Variants in SCN3A observed in about 807,000 individuals in gnomAD.
SCN3A encodes the protein sodium voltage-gated channel alpha subunit 3, also known as sodium channel protein type 3 subunit alpha.
A neutral mutation model predicts 187.6 loss-of-function variants in SCN3A; 60 were observed. The observed-to-expected ratio is 0.32, with a 90% CI of 0.26 to 0.40. SCN3A has a LOEUF of 0.40. Among genes scored for constraint, SCN3A ranks in the 10% least tolerant of loss-of-function variants. The pLI, the probability that SCN3A is intolerant of heterozygous loss-of-function variation, is 1.00. For missense variants in SCN3A, 1,601 were observed against 2,428.2 expected (o/e 0.66, Z 7.16); for synonymous variants, 788 against 829.2 (o/e 0.95, Z 0.85).
rs61608647 is a variant in SCN3A, at chr2:165,161,137, C to CTTTTTTTTTTTTTTTTTTTTTTTTTTTT, written c.1031+1170_1031+1171insAAAAAAAAAAAAAAAAAAAAAAAAAAAA. On this transcript the variant is annotated intron_variant, in intron 9 of 27. Transcript: ENST00000283254. ...TTTCTTTTCTTTTTTTTCTTTCTTT[C>CTTTTTTTTTTTTTTTTTTTTTTTTTTTT]TTTTTTTTTTTTTTTTTTTTTTTTT... Among the ~76,000 whole-genome samples the CTTTTTTTTTTTTTTTTTTTTTTTTTTTT allele has an allele frequency of 8.1e-4, 76 of 93,388 alleles. 1 individual carries two copies. Among genetic ancestry groups the CTTTTTTTTTTTTTTTTTTTTTTTTTTTT allele is most frequent in the Non-Finnish European group, 1.4e-3 (62 of 44,976 alleles). The allele number at this position is 93,388 out of a possible 152,430, so 61.3% of individuals were successfully genotyped here.
At chr2:165,157,801 G>C (rs1429783162) in intron 9 of SCN3A, among the ~76,000 whole-genome samples, 1 of 152,018 alleles carries the variant, frequency 6.6e-6, no homozygotes, top group Non-Finnish European at 1.5e-5. Flanking sequence ...TTATATTTTG[G>C]ATTACAATTC....
At chr2:165,155,033 A>G (rs1234421731) in intron 10 of SCN3A, among the ~76,000 whole-genome samples, 1 of 152,160 alleles carries the variant, frequency 6.6e-6, no homozygotes, top group Non-Finnish European at 1.5e-5. Context: ...CCATCTATAG[A>G]TGACTTTTGC....
At chr2:165,104,297 T>C (rs1055981235) in intron 21 of SCN3A, among the ~76,000 whole-genome samples, 1 of 151,784 alleles carries the variant, frequency 6.6e-6, no homozygotes, top group African/African-American at 2.4e-5. Flanking sequence ...AGACAAAGAA[T>C]GAATGAAATA....
chr2:165,186,238 C>T (rs748940195), intron 2 of SCN3A, among the ~76,000 whole-genome samples: 21 of 151,984 alleles, frequency 1.4e-4, no homozygotes, highest in Non-Finnish European at 2.8e-4. Flanking sequence ...CCACTGCACT[C>T]CAGCCTGGGC....
rs767119454 is a variant in SCN3A, at chr2:165,128,077, A to G, written c.2947T>C (p.Leu983=). ...TTGTCTGAGCTAAATGAACTCAACA[A>G]TAAGGCCAGAAAGAGGTTCAGAACC... ...LVVLNLFLAL[L]LSSFSSDNLA... The change falls in exon 18 of 28, where the codon TTG becomes CTG. Residue 983 remains leucine, a synonymous_variant. Transcript: ENST00000283254. The G allele has an allele frequency of 4.3e-6, 7 of 1,612,516 alleles. No homozygotes were observed. The highest frequency in any genetic ancestry group is 5.1e-6 in the Non-Finnish European group (6 of 1,179,748).
chr2:165,124,873 T>G (rs574212102), intron 18 of SCN3A, among the ~76,000 whole-genome samples: 1 of 152,280 alleles, frequency 6.6e-6, no homozygotes, highest in South Asian at 2.1e-4. Context: ...TAACCTTTCT[T>G]ATCTTTCACT....
At chr2:165,098,357 T>A (rs1685457233) in intron 22 of SCN3A, among the ~76,000 whole-genome samples, 1 of 152,238 alleles carries the variant, frequency 6.6e-6, no homozygotes, top group African/African-American at 2.4e-5. Flanking sequence ...AATAAAAGTA[T>A]TGTTTTATTT....
chr2:165,137,818 C>T, intron 15 of SCN3A, 61 bp downstream of exon 15: 1 of 1,267,232 alleles, frequency 7.9e-7, no homozygotes, highest in Non-Finnish European at 1.2e-6. Context: ...ATACATCTTT[C>T]CCTTTGGTCT....
rs1315184093 is a variant in SCN3A, at chr2:165,129,995, C to T, written c.2867G>A (p.Gly956Asp). 1 of 1,614,094 alleles carries T rather than the reference C, an allele frequency of 6.2e-7. No individual in the cohort carries two copies. Among genetic ancestry groups the T allele is most frequent in the East Asian group, 2.2e-5 (1 of 44,874 alleles). ...ETMWDCMEVA[G>D]QTMCLIVFML... ...GAAAACAATAAGGCACATGGTTTGG[C>T]CAGCGACCTCCATACAGTCCCACAT... The change falls in exon 17 of 28, where the codon GGC becomes GAC. Residue 956 changes from glycine (G) to aspartate (D), a missense_variant. Physicochemically the swap from Gly to Asp is moderately conservative, Grantham distance 94. Around this residue, in one of 11 missense-constraint regions of SCN3A, gnomAD observed 91 missense variants for 207.0 expected, o/e 0.44. Coordinates refer to ENST00000283254, the MANE Select transcript of SCN3A (RefSeq NM_006922.4).
At chr2:165,139,396 C>A in intron 14 of SCN3A, 80 bp downstream of exon 14, 1 of 1,591,578 alleles carries the variant, frequency 6.3e-7, no homozygotes, top group South Asian at 1.1e-5. Flanking sequence ...TAACAGACTT[C>A]AGTAATTCTA....
At chr2:165,135,239 A>C (rs1297976851) in intron 15 of SCN3A, among the ~76,000 whole-genome samples, 2 of 152,082 alleles carry the variant, frequency 1.3e-5, no homozygotes, top group African/African-American at 2.4e-5. Flanking sequence ...ACAAAACAAA[A>C]TACTCCACAA....
chr2:165,131,760 C>A (rs1361971201), intron 15 of SCN3A, among the ~76,000 whole-genome samples: 2 of 117,924 alleles, frequency 1.7e-5, no homozygotes, highest in Non-Finnish European at 3.4e-5. Flanking sequence ...CCTCCCCCGA[C>A]CCCACAACAG....
intron 2 of SCN3A, chr2:165,179,815 G>A (rs745582283): frequency 7.9e-5 from 12 of 152,016 alleles, no homozygotes; most frequent in Non-Finnish European, 1.3e-4. Flanking sequence ...TAGTTCTTTC[G>A]CAGTTCTCTT....
chr2:165,169,787 A>C (rs1003908609), intron 4 of SCN3A, among the ~76,000 whole-genome samples: 1 of 151,900 alleles, frequency 6.6e-6, no homozygotes, highest in Non-Finnish European at 1.5e-5. Flanking sequence ...ATTACTTGAG[A>C]ATTTTCTTGA....
chr2:165,201,343 A>C (rs1250201119), intron 1 of SCN3A, among the ~76,000 whole-genome samples: 3 of 152,086 alleles, frequency 2.0e-5, no homozygotes, highest in African/African-American at 7.2e-5. Context: ...TTTCAGGTAC[A>C]TAATTATTTG....
intron 2 of SCN3A, among the ~76,000 whole-genome samples, chr2:165,182,986 A>AAG (rs1429928119): frequency 1.5e-4 from 23 of 152,040 alleles, no homozygotes; most frequent in African/African-American, 4.6e-4. Context: ...AAAAAAAAAA[A>AAG]AAAGAAAGAA....
Position 165,115,475 on chromosome 2 carries a change from G to T in SCN3A, c.3494C>A (p.Pro1165Gln), listed in dbSNP as rs563038965. 5 of 1,613,476 alleles carry T rather than the reference G, an allele frequency of 3.1e-6. No homozygotes were observed. The South Asian group carries it at 5.5e-5, about 18-fold the overall frequency. ...AETEPEEDLK[P>Q]EACFTEGCIK... is the part of the protein sequence containing the mutation. ...TTTACCTTCAGTAAAACAAGCTTCCGGTTTAAGGTCTTCTTCGGGTTCAGT... is the reference window on the plus strand; with the variant it reads ...TTTACCTTCAGTAAAACAAGCTTCCTGTTTAAGGTCTTCTTCGGGTTCAGT... The change falls in exon 19 of 28, where the codon CCG (proline) becomes CAG (glutamine). Residue 1165 changes from proline to glutamine, a missense_variant. Pro to Gln is a moderately conservative substitution (Grantham distance 76). Transcript: ENST00000283254.
chr2:165,126,708 A>T (rs1687016768), intron 18 of SCN3A, among the ~76,000 whole-genome samples: 1 of 150,808 alleles, frequency 6.6e-6, no homozygotes, highest in African/African-American at 2.4e-5. Flanking sequence ...GTAACACAAC[A>T]GTAAGAGTAG....
intron 20 of SCN3A, among the ~76,000 whole-genome samples, chr2:165,113,335 G>A (rs975774080): frequency 1.1e-4 from 16 of 152,094 alleles, no homozygotes; most frequent in Admixed American, 1.0e-3. Flanking sequence ...TTTTAATGAA[G>A]TAATATGAAC....
Sources: allele counts gnomAD v4.1 joint callset (sites outside exome capture counted in the v4.1 genomes callset), GRCh38; gene constraint gnomAD v4.1.1; regional missense constraint gnomAD v4.1.1; transcripts MANE v1.5; gene names NCBI Gene and HGNC (gene_info 2026-07-23, HGNC 2026-07-21).